The following CELF1 variants were observed in gnomAD, a reference collection of about 807,000 sequenced individuals.
CELF1 encodes CUGBP Elav-like family member 1.
In CELF1, 10 loss-of-function variants were observed where a neutral mutation model predicts 61.8. The ratio of observed to expected loss-of-function variants is 0.16; its 90% CI spans 0.10 to 0.27. The LOEUF (loss-of-function observed/expected upper bound fraction) is 0.27. Ranked by LOEUF, CELF1 falls within the 10% of genes least tolerant of loss-of-function variation. CELF1 has a pLI of 1.00. For missense variants in CELF1, 380 were observed against 639.1 expected, an observed-to-expected ratio of 0.59 and a Z score of 4.37; for synonymous variants, 236 against 225.1, an observed-to-expected ratio of 1.05 and a Z score of -0.43.
At chr11:47,559,637 CT>C (rs1055966433) in intron 2 of CELF1, among the ~76,000 whole-genome samples, 4 of 152,110 alleles carry the variant, frequency 2.6e-5, no homozygotes, top group Non-Finnish European at 4.4e-5. Flanking sequence ...GCCTATGTAA[CT>C]TTTTGAAAAG....
At chr11:47,479,005 C>A in intron 9 of CELF1, 53 bp from the exon 10 acceptor site, 1 of 1,438,274 alleles carries the variant, frequency 7.0e-7, no homozygotes, top group Non-Finnish European at 9.7e-7. Context: ...GCTGGTTCTG[C>A]ATCTGGGATA....
chr11:47,542,860 C>A (rs748985337), intron 1 of CELF1, among the ~76,000 whole-genome samples: 105 of 152,134 alleles, frequency 6.9e-4, no homozygotes, highest in Admixed American at 1.6e-3. Context: ...GGGCTGGGTG[C>A]GGCAGCTCAC....
At chr11:47,492,144 GTTTTTAACA>G (rs773748177) in intron 3 of CELF1, among the ~76,000 whole-genome samples, 10 of 152,018 alleles carry the variant, frequency 6.6e-5, no homozygotes, top group Admixed American at 2.0e-4. Context: ...CATCTGGCTA[GTTTTTAACA>G]TTTTTTTGTA....
chr11:47,473,341 CAG>C, intron 13 of CELF1, 110 bp from the exon 14 acceptor site: 1 of 1,029,718 alleles, frequency 9.7e-7, no homozygotes, highest in African/African-American at 1.6e-5. Context: ...TCCCTAAAAA[CAG>C]AGATTCATCT....
intron 1 of CELF1, among the ~76,000 whole-genome samples, chr11:47,505,926 ACT>A (rs1457411869): frequency 3.7e-5 from 5 of 134,450 alleles, no homozygotes; most frequent in East Asian, 2.2e-4. Flanking sequence ...CAAGAGTGAA[ACT>A]CTGTCTCCAA....
chr11:47,520,008 C>CT (rs1047845144), intron 1 of CELF1, among the ~76,000 whole-genome samples: 2 of 6,198 alleles, frequency 3.2e-4, no homozygotes, highest in African/African-American at 4.5e-4. Context: ...AAAACAAGCT[C>CT]TTAAAAAAAA....
intron 1 of CELF1, among the ~76,000 whole-genome samples, chr11:47,542,753 C>T (rs1401937290): frequency 6.6e-6 from 1 of 152,184 alleles, no homozygotes; most frequent in Non-Finnish European, 1.5e-5. Context: ...GTGTCTTGGC[C>T]TCCCAAAGTG....
At chr11:47,513,901 T>C (rs940130094) in intron 1 of CELF1, 3 of 150,370 alleles carry the variant, frequency 2.0e-5, no homozygotes, top group Non-Finnish European at 4.4e-5. Context: ...TACAATAAAA[T>C]GTACAAACAC....
intron 7 of CELF1, among the ~76,000 whole-genome samples, 197 bp downstream of exon 7, chr11:47,484,192 G>A (rs560254227): frequency 1.3e-5 from 2 of 151,980 alleles, no homozygotes; most frequent in South Asian, 2.1e-4. Context: ...AATTAGCTGG[G>A]TGTCATGATG....
In CELF1 at chr11:47,486,732, T is replaced by C; in HGVS notation, c.391+18A>G. 3 of 1,606,674 alleles carry C rather than the reference T, an allele frequency of 1.9e-6. No homozygotes were observed. Among genetic ancestry groups the C allele is most frequent in the Non-Finnish European group, 2.6e-6 (3 of 1,173,148 alleles). ...CTAGGCAGAAATCTTAAGGGGAAGATTGTATACATTTGCTTACCATTGTTC... is the reference window on the plus strand; with the variant it reads ...CTAGGCAGAAATCTTAAGGGGAAGACTGTATACATTTGCTTACCATTGTTC... On this transcript the variant is annotated intron_variant, in intron 6 of 14. Coordinates refer to ENST00000687097, the MANE Select transcript of CELF1 (RefSeq NM_001376376.1).
At chr11:47,501,644 A>G (rs2093913223) in intron 1 of CELF1, among the ~76,000 whole-genome samples, 1 of 151,730 alleles carries the variant, frequency 6.6e-6, no homozygotes, top group South Asian at 2.1e-4. Flanking sequence ...GTGAAACCCC[A>G]TCTCTACTAA....
chr11:47,501,684 G>A (rs1366409037), intron 1 of CELF1, among the ~76,000 whole-genome samples: 3 of 151,944 alleles, frequency 2.0e-5, no homozygotes, highest in East Asian at 1.9e-4. Flanking sequence ...TTAGCTGGGC[G>A]AGGTGGCACA....
intron 2 of CELF1, among the ~76,000 whole-genome samples, chr11:47,558,454 A>T (rs546503427): frequency 1.5e-5 from 2 of 130,604 alleles, no homozygotes; most frequent in African/African-American, 6.1e-5. Context: ...TATATATATA[A>T]TATATTAGAT....
intron 2 of CELF1, among the ~76,000 whole-genome samples, chr11:47,562,764 G>A (rs958374168): frequency 6.6e-6 from 1 of 151,712 alleles, no homozygotes; most frequent in Non-Finnish European, 1.5e-5. Flanking sequence ...AAGTGCAGTG[G>A]CGCGATCTTG....
At chr11:47,488,432 T>C (rs533021775) in intron 4 of CELF1, among the ~76,000 whole-genome samples, 1 of 152,352 alleles carries the variant, frequency 6.6e-6, no homozygotes, top group Admixed American at 6.5e-5. Context: ...CTTCAGCTTA[T>C]GCTAGCCCAA....
At chr11:47,478,840 G>C (rs1319587947) in intron 10 of CELF1, 37 bp downstream of exon 10, 2 of 1,528,350 alleles carry the variant, frequency 1.3e-6, no homozygotes, top group South Asian at 1.1e-5. Flanking sequence ...CTGCTGGCCT[G>C]GGTGCTGCTG....
At chr11:47,565,444 G>A in exon 1 of CELF1, 1 of 484,066 alleles carries the variant, frequency 2.1e-6, no homozygotes, top group Non-Finnish European at 3.1e-6. Context: ...GAGGCCGCCG[G>A]GCCCTCCTCC....
At chr11:47,558,955 TATA>T (rs2097217270) in intron 2 of CELF1, among the ~76,000 whole-genome samples, 2 of 138,822 alleles carry the variant, frequency 1.4e-5, no homozygotes, top group African/African-American at 2.6e-5. Flanking sequence ...ATATATTACA[TATA>T]ATATGTAATA....
At chr11:47,559,190 G>A (rs1324222286) in intron 2 of CELF1, among the ~76,000 whole-genome samples, 1 of 149,698 alleles carries the variant, frequency 6.7e-6, no homozygotes, top group Non-Finnish European at 1.5e-5. Flanking sequence ...CCGTCTCCCG[G>A]ATTCAAGCAA....
Sources: gnomAD v4.1 joint callset for allele counts (sites outside exome capture counted in the v4.1 genomes callset) on GRCh38, gnomAD v4.1.1 for gene constraint, MANE v1.5 for transcripts, NCBI Gene and HGNC (gene_info 2026-07-23, HGNC 2026-07-21) for gene names.